BAALC: variants seen among roughly 807,000 people sequenced by gnomAD.
The protein encoded by BAALC is brain and acute leukemia cytoplasmic protein.
A neutral mutation model predicts 15.5 loss-of-function variants in BAALC; 9 were observed. The observed-to-expected ratio is 0.58, with a 90% CI of 0.35 to 1.02. The LOEUF is 1.02. BAALC is among the 50% of genes least tolerant of loss of function. BAALC has a pLI of 0.02. For synonymous variants in BAALC, 80 were observed against 74.6 expected (o/e 1.07, Z -0.37); for missense variants, 201 against 192.4 (o/e 1.04, Z -0.27).
At chr8:103,197,954 C>T (rs1016236068) in intron 1 of BAALC, 1 of 562,180 alleles carries the variant, frequency 1.8e-6, no homozygotes, top group African/African-American at 1.9e-5. Flanking sequence ...CAGCCTTCAT[C>T]CCAACGATGC....
chr8:103,152,017 C>T (rs1172023193), intron 1 of BAALC, among the ~76,000 whole-genome samples: 1 of 152,122 alleles, frequency 6.6e-6, no homozygotes, highest in Non-Finnish European at 1.5e-5. Flanking sequence ...CCACATCCGT[C>T]TTCCACTTGA....
At chr8:103,142,270 C>T (rs1366805234) in intron 1 of BAALC, among the ~76,000 whole-genome samples, 1 of 152,232 alleles carries the variant, frequency 6.6e-6, no homozygotes, top group East Asian at 1.9e-4. Flanking sequence ...CCAAAGCTGG[C>T]TCCTTTTCCA....
chr8:103,178,201 T>C (rs1811646692), intron 1 of BAALC, among the ~76,000 whole-genome samples: 1 of 152,224 alleles, frequency 6.6e-6, no homozygotes, highest in South Asian at 2.1e-4. Context: ...TTTAACTCAT[T>C]GATGAGGGTC....
At chr8:103,149,603 G>T (rs1253757458) in intron 1 of BAALC, among the ~76,000 whole-genome samples, 1 of 152,116 alleles carries the variant, frequency 6.6e-6, no homozygotes, top group Non-Finnish European at 1.5e-5. Flanking sequence ...TCCGGATGGG[G>T]GGATGGGAAA....
At chr8:103,173,820 A>T (rs1811549571) in intron 1 of BAALC, among the ~76,000 whole-genome samples, 1 of 152,238 alleles carries the variant, frequency 6.6e-6, no homozygotes, top group Admixed American at 6.5e-5. Flanking sequence ...ACAAAGTTGA[A>T]TTGGAATATT....
intron 1 of BAALC, among the ~76,000 whole-genome samples, chr8:103,181,562 T>A (rs543139291): frequency 3.3e-5 from 5 of 152,186 alleles, no homozygotes; most frequent in African/African-American, 1.2e-4. Context: ...GTGAGCCACC[T>A]CGCCCGGCCA....
chr8:103,162,815 T>A (rs1252526452), intron 1 of BAALC, among the ~76,000 whole-genome samples: 1 of 152,140 alleles, frequency 6.6e-6, no homozygotes, highest in African/African-American at 2.4e-5. Context: ...TCACAGTTTC[T>A]TGAATACTGG....
intron 1 of BAALC, among the ~76,000 whole-genome samples, chr8:103,200,246 T>C (rs1375542172): frequency 2.0e-5 from 3 of 152,246 alleles, no homozygotes; most frequent in Non-Finnish European, 1.5e-5. Context: ...TATATACTGT[T>C]GGTGGGAATG....
chr8:103,156,617 T>C (rs1436669438), intron 1 of BAALC, among the ~76,000 whole-genome samples: 1 of 152,172 alleles, frequency 6.6e-6, no homozygotes, highest in Middle Eastern at 3.2e-3. Flanking sequence ...TCTGAGACGG[T>C]GGAATGTTCT....
intron 1 of BAALC, 99 bp downstream of exon 1, chr8:103,141,156 C>T (rs1007622796): frequency 7.7e-7 from 1 of 1,298,320 alleles, no homozygotes; most frequent in Non-Finnish European, 1.0e-6. Flanking sequence ...GAATTGATGG[C>T]GCGGCGGGGG....
chr8:103,141,888 T>G (rs1212587201), intron 1 of BAALC, among the ~76,000 whole-genome samples: 1 of 152,240 alleles, frequency 6.6e-6, no homozygotes, highest in Non-Finnish European at 1.5e-5. Flanking sequence ...TTTATTTTAT[T>G]TTTTTATTTT....
chr8:103,204,875 T>G (rs1323549516), intron 1 of BAALC, among the ~76,000 whole-genome samples: 1 of 152,244 alleles, frequency 6.6e-6, no homozygotes, highest in East Asian at 1.9e-4. Context: ...ATTTTAAAGA[T>G]GAAACAAATT....
In BAALC at chr8:103,140,942, C is replaced by A; in HGVS notation, c.45C>A (p.Tyr15Ter). The A allele has an allele frequency of 6.5e-7, 1 of 1,537,496 alleles. No individual in the cohort carries two copies. The highest frequency in any genetic ancestry group is 8.7e-7 in the Non-Finnish European group (1 of 1,142,962). ...GSRADAIEPR[Y>*]YESWTRETES... ...GGGCGGATGCCATCGAGCCCCGCTACTACGAGAGCTGGACCCGGGAGACAG... is the reference window on the plus strand; with the variant it reads ...GGGCGGATGCCATCGAGCCCCGCTAATACGAGAGCTGGACCCGGGAGACAG... Residue 15 changes from tyrosine to a stop codon, truncating the protein, a stop_gained, in exon 1 of 3, where the codon TAC becomes TAA. Transcript: ENST00000309982. LOFTEE classifies it high-confidence loss of function. The surrounding 1 kb of genome is among the most constrained non-coding windows in gnomAD (Gnocchi z 4.2).
chr8:103,167,092 A>T (rs1343831133), intron 1 of BAALC, among the ~76,000 whole-genome samples: 1 of 152,144 alleles, frequency 6.6e-6, no homozygotes, highest in Non-Finnish European at 1.5e-5. Flanking sequence ...TGCTACCTAA[A>T]TTTTAATTTT....
chr8:103,223,848 ACATTTC>A lies in BAALC; in HGVS notation c.328-4130_328-4125del, dbSNP rs1812737369. ...AAGAAAAGCACTTCTGCAGTTTGGA[ACATTTC>A]CATTTCCATTCTGGAAAGCCCTCTT... is the stretch of plus-strand genomic sequence containing the variant. On this transcript the variant is annotated intron_variant, in intron 2 of 2. Coordinates refer to ENST00000309982, the MANE Select transcript of BAALC (RefSeq NM_024812.3). 2.0e-5 allele frequency among the ~76,000 whole-genome samples: 3 copies of A among 152,328 alleles called. No homozygotes were observed. In the South Asian group the frequency reaches 6.2e-4, roughly 32 times the overall value.
intron 1 of BAALC, among the ~76,000 whole-genome samples, chr8:103,142,032 C>T (rs1810789764): frequency 6.6e-6 from 1 of 152,084 alleles, no homozygotes; most frequent in African/African-American, 2.4e-5. Context: ...AAAGCAAGGT[C>T]AATATTTGGA....
chr8:103,154,822 C>T (rs1476781163), intron 1 of BAALC: 2 of 154,328 alleles, frequency 1.3e-5, no homozygotes, highest in Admixed American at 1.3e-4. Context: ...ACTGTATACT[C>T]TTAAAGACAG....
At chr8:103,190,249 T>TAG (rs1454517989) in intron 1 of BAALC, among the ~76,000 whole-genome samples, 2 of 152,184 alleles carry the variant, frequency 1.3e-5, no homozygotes, top group Non-Finnish European at 2.9e-5. Flanking sequence ...GTGAGAAAGT[T>TAG]AGACTTTCAG....
intron 1 of BAALC, among the ~76,000 whole-genome samples, chr8:103,154,209 CTG>C (rs1435309951): frequency 1.3e-5 from 2 of 152,092 alleles, no homozygotes; most frequent in Non-Finnish European, 2.9e-5. Flanking sequence ...TTAGCTAACT[CTG>C]TTATTTCCAT....
Sources: allele counts gnomAD v4.1 joint callset (sites outside exome capture counted in the v4.1 genomes callset), GRCh38; gene constraint gnomAD v4.1.1; non-coding constraint Gnocchi (gnomAD v3.1); transcripts MANE v1.5; gene names NCBI Gene and HGNC (gene_info 2026-07-23, HGNC 2026-07-21).